The following KCNT2 variants were observed in gnomAD, a reference collection of about 807,000 sequenced individuals.
KCNT2 encodes potassium sodium-activated channel subfamily T member 2.
A neutral mutation model predicts 153.8 loss-of-function variants in KCNT2; 67 were observed. The observed-to-expected ratio is 0.44, with a 90% confidence interval of 0.36 to 0.53. The LOEUF (loss-of-function observed/expected upper bound fraction) is 0.53. Ranked by LOEUF, KCNT2 falls within the 20% of genes least tolerant of loss-of-function variation. The pLI, the probability that KCNT2 is intolerant of heterozygous loss-of-function variation, is 0.00. For missense variants in KCNT2, 975 were observed against 1,354.8 expected, an observed-to-expected ratio of 0.72 and a Z score of 4.40; for synonymous variants, 500 against 458.8, an observed-to-expected ratio of 1.09 and a Z score of -1.15.
Position 196,485,856 on chromosome 1 carries a change from CCAAA to C in KCNT2, c.276-3481_276-3478del, listed in dbSNP as rs537290750. 4.6e-5 allele frequency among the ~76,000 whole-genome samples: 7 copies of C among 151,802 alleles called. No individual in the cohort carries two copies. The East Asian group carries it at 1.4e-3, about 29-fold the overall frequency. On this transcript the variant is annotated intron_variant, in intron 3 of 27. Transcript: ENST00000294725. The stretch of plus-strand genomic sequence containing the variant: ...TAATCTGCACATTCGTAGATAACCT[CCAAA>C]ATGAGGAGTGAAACCAAAGCTGACA...
chr1:196,603,579 G>A (rs972081754), intron 1 of KCNT2, among the ~76,000 whole-genome samples: 1 of 152,138 alleles, frequency 6.6e-6, no homozygotes, highest in East Asian at 1.9e-4. Context: ...CTCTTAAACT[G>A]TTAATGGATT....
intron 1 of KCNT2, among the ~76,000 whole-genome samples, chr1:196,542,093 CAAAAGG>C (rs1656457017): frequency 6.6e-6 from 1 of 151,688 alleles, no homozygotes; most frequent in Admixed American, 6.6e-5. Context: ...ACATAATTTA[CAAAAGG>C]AAGAGTTATA....
chr1:196,395,967 TTAAAG>T (rs1373059426), intron 13 of KCNT2, among the ~76,000 whole-genome samples: 3 of 151,614 alleles, frequency 2.0e-5, no homozygotes, highest in East Asian at 3.9e-4. Context: ...CGATTTTAAA[TTAAAG>T]TAATTATTAT....
At chr1:196,447,430 C>T (rs1405858667) in intron 8 of KCNT2, among the ~76,000 whole-genome samples, 1 of 151,580 alleles carries the variant, frequency 6.6e-6, no homozygotes, top group Non-Finnish European at 1.5e-5. Context: ...ATCATCATAA[C>T]ATCATCAAGG....
At chr1:196,441,975 T>C (rs1228639204) in intron 8 of KCNT2, among the ~76,000 whole-genome samples, 2 of 151,756 alleles carry the variant, frequency 1.3e-5, no homozygotes, top group Non-Finnish European at 2.9e-5. Flanking sequence ...ATGATTAAAG[T>C]AGATCAAACC....
intron 8 of KCNT2, among the ~76,000 whole-genome samples, chr1:196,450,744 T>G (rs114307489): frequency 0.012 from 1,827 of 152,022 alleles, 34 homozygotes; most frequent in African/African-American, 0.042. Context: ...TTTCTGCTAC[T>G]GCTCTTGTCT....
chr1:196,536,639 T>C (rs528284021), intron 1 of KCNT2, among the ~76,000 whole-genome samples: 1 of 152,264 alleles, frequency 6.6e-6, no homozygotes, highest in East Asian at 1.9e-4. Context: ...CTGGTCTAAG[T>C]TGGTGCCCCA....
In KCNT2 at chr1:196,428,336, T is replaced by A. The variant is rs1161745591; in HGVS notation, c.820-67A>T. The A allele has an allele frequency of 4.5e-6, 5 of 1,115,736 alleles. No individual in the cohort carries two copies. The East Asian group carries it at 1.2e-4, about 27-fold the overall frequency. The allele number at this position is 1,115,736 out of a possible 1,614,324, so 69.1% of individuals were successfully genotyped here. ...GAAATAAATAAATCAATGCAATACA[T>A]CTATTGTTTATTAGGTATTTTCAAT... On this transcript the variant is annotated intron_variant, in intron 9 of 27. Coordinates refer to ENST00000294725, the MANE Select transcript of KCNT2 (RefSeq NM_198503.5).
At chr1:196,400,972 A>G (rs1323073682) in intron 12 of KCNT2, among the ~76,000 whole-genome samples, 1 of 151,796 alleles carries the variant, frequency 6.6e-6, no homozygotes, top group Non-Finnish European at 1.5e-5. Context: ...TCCACAGAAA[A>G]CCTGCCAGAA....
chr1:196,457,334 A>G (rs1676761638), intron 8 of KCNT2, among the ~76,000 whole-genome samples: 1 of 151,790 alleles, frequency 6.6e-6, no homozygotes, highest in African/African-American at 2.4e-5. Flanking sequence ...TTTTCACAAC[A>G]ATTCTATACA....
At chr1:196,453,523 A>G (rs555828058) in intron 8 of KCNT2, among the ~76,000 whole-genome samples, 1 of 151,990 alleles carries the variant, frequency 6.6e-6, no homozygotes, top group Non-Finnish European at 1.5e-5. Context: ...CTTCCAATAG[A>G]CAGTAATTTT....
chr1:196,248,673 A>G (rs935302455), intron 26 of KCNT2, among the ~76,000 whole-genome samples: 23 of 152,298 alleles, frequency 1.5e-4, no homozygotes, highest in African/African-American at 5.5e-4. Flanking sequence ...CCAGCAAAGA[A>G]AAGCCTCAGA....
At chr1:196,283,806 T>C (rs1039076330) in intron 23 of KCNT2, among the ~76,000 whole-genome samples, 1 of 152,084 alleles carries the variant, frequency 6.6e-6, no homozygotes, top group Non-Finnish European at 1.5e-5. Flanking sequence ...AGATAGAAAA[T>C]AGTACAGCAA....
At chr1:196,484,297 T>A (rs1679242672) in intron 3 of KCNT2, among the ~76,000 whole-genome samples, 1 of 152,126 alleles carries the variant, frequency 6.6e-6, no homozygotes, top group Non-Finnish European at 1.5e-5. Flanking sequence ...TTTTTCAATA[T>A]GTTCATTGGC....
chr1:196,456,866 G>A (rs1189855276), intron 8 of KCNT2, among the ~76,000 whole-genome samples: 1 of 151,948 alleles, frequency 6.6e-6, no homozygotes, highest in Admixed American at 6.6e-5. Flanking sequence ...AAGCCCTGGA[G>A]ACAGTAGGCA....
At chr1:196,317,334 C>A (rs1024314618) in intron 20 of KCNT2, 4 of 426,644 alleles carry the variant, frequency 9.4e-6, no homozygotes, top group Admixed American at 4.9e-5. Context: ...ACCATAACAT[C>A]CAACCACTAT....
intron 21 of KCNT2, among the ~76,000 whole-genome samples, chr1:196,313,896 A>G (rs1484952856): frequency 6.6e-6 from 1 of 151,666 alleles, no homozygotes; most frequent in African/African-American, 2.4e-5. Context: ...ATACTGCTGA[A>G]GACAGATAAG....
chr1:196,431,320 G>C (rs1674129407), intron 8 of KCNT2, among the ~76,000 whole-genome samples: 1 of 152,106 alleles, frequency 6.6e-6, no homozygotes, highest in Non-Finnish European at 1.5e-5. Context: ...CTTTGGAATT[G>C]GGTAATGGGT....
At chr1:196,283,123 C>A (rs114001802) in intron 23 of KCNT2, among the ~76,000 whole-genome samples, 1 of 152,146 alleles carries the variant, frequency 6.6e-6, no homozygotes, top group Non-Finnish European at 1.5e-5. Context: ...GGATTACTGG[C>A]ATAAGCCAAC....
Sources: gnomAD v4.1 joint callset for allele counts (sites outside exome capture counted in the v4.1 genomes callset) on GRCh38, gnomAD v4.1.1 for gene constraint, MANE v1.5 for transcripts, NCBI Gene and HGNC (gene_info 2026-07-23, HGNC 2026-07-21) for gene names.